Variants in EPSTI1 observed in about 807,000 individuals in gnomAD.
EPSTI1 encodes epithelial-stromal interaction protein 1.
Under a neutral mutation model 49.9 loss-of-function variants are expected in EPSTI1, and 66 were observed. That is an observed-to-expected ratio of 1.32 (90% CI 1.08 to 1.62). The LOEUF is 1.62. Among genes scored for constraint, EPSTI1 ranks in the 40% most tolerant of loss-of-function variants. EPSTI1 has a pLI of 0.00. For synonymous variants in EPSTI1, 137 were observed against 130.7 expected (o/e 1.05, Z -0.33); for missense variants, 394 against 365.5 (o/e 1.08, Z -0.64).
chr13:42,938,931 A>AAAAAAAAAAAAAAAAAAAC, intron 6 of EPSTI1, among the ~76,000 whole-genome samples: 1 of 150,540 alleles, frequency 6.6e-6, no homozygotes, highest in Non-Finnish European at 1.5e-5. Flanking sequence ...AAAAAAAAAA[A>AAAAAAAAAAAAAAAAAAAC]ATCTGTTGTT....
intron 5 of EPSTI1, among the ~76,000 whole-genome samples, chr13:42,962,224 G>A (rs1184911882): frequency 6.6e-6 from 1 of 152,110 alleles, no homozygotes; most frequent in East Asian, 1.9e-4. Flanking sequence ...GCTTTTATGT[G>A]CACAGGAATT....
At chr13:42,955,881 G>A (rs76933818) in intron 5 of EPSTI1, among the ~76,000 whole-genome samples, 5 of 121,506 alleles carry the variant, frequency 4.1e-5, no homozygotes, top group South Asian at 5.9e-4. Flanking sequence ...AGTATTTGGG[G>A]GGGGGGGGAA....
intron 6 of EPSTI1, among the ~76,000 whole-genome samples, chr13:42,937,901 A>G (rs1186745055): frequency 2.0e-5 from 3 of 152,328 alleles, no homozygotes; most frequent in Non-Finnish European, 4.4e-5. Context: ...GCCCAGATCA[A>G]TCAGAAGAAT....
At chr13:42,905,111 CAGAG>C (rs1317845447) in intron 8 of EPSTI1, among the ~76,000 whole-genome samples, 5 of 151,926 alleles carry the variant, frequency 3.3e-5, no homozygotes, top group African/African-American at 9.7e-5. Context: ...ATTTTTAACA[CAGAG>C]AGATATAAAA....
At chr13:42,929,691 G>A (rs2153422517) in intron 6 of EPSTI1, among the ~76,000 whole-genome samples, 1 of 152,324 alleles carries the variant, frequency 6.6e-6, no homozygotes, top group South Asian at 2.1e-4. Flanking sequence ...AGGGTGGAGG[G>A]ACAGCTAGCT....
chr13:42,924,900 A>C (rs1022018316), intron 7 of EPSTI1, among the ~76,000 whole-genome samples: 2 of 152,204 alleles, frequency 1.3e-5, no homozygotes, highest in African/African-American at 4.8e-5. Context: ...CTATTGAGAA[A>C]GGGGTAAGGG....
intron 4 of EPSTI1, 40 bp from the exon 5 acceptor site, chr13:42,963,378 C>T: frequency 6.6e-7 from 1 of 1,515,942 alleles, no homozygotes. Context: ...AAACAGTTAC[C>T]ATTTTTCAGT....
intron 7 of EPSTI1, among the ~76,000 whole-genome samples, chr13:42,925,142 G>A (rs774857749): frequency 5.1e-4 from 78 of 152,162 alleles, no homozygotes; most frequent in African/African-American, 1.8e-3. Context: ...CCTCTCCCCC[G>A]CTGTCCTAGC....
intron 8 of EPSTI1, among the ~76,000 whole-genome samples, chr13:42,904,286 G>C (rs2037438316): frequency 6.6e-6 from 1 of 152,154 alleles, no homozygotes; most frequent in East Asian, 1.9e-4. Flanking sequence ...AAAAGAAAAA[G>C]GGCCAAGGGA....
chr13:42,917,408 C>A lies in EPSTI1; in HGVS notation c.741+133G>T, dbSNP rs540409181. 3.5e-6 allele frequency: 3 copies of A among 850,384 alleles called. No homozygotes were observed. The South Asian group carries it at 4.9e-5, about 14-fold the overall frequency. 52.7% of individuals were successfully genotyped at this position (850,384 alleles called of 1,614,324 possible). A position where few individuals can be genotyped will look rare whatever the true frequency, so the allele number is the denominator to read the frequency against. ...TCTTAAAACACATCCAGAAACTCAC[C>A]TTTTATTTTCAATGCTTGTATTCTT... is the stretch of plus-strand genomic sequence containing the variant. On this transcript the variant is annotated intron_variant, in intron 8 of 10. Transcript: ENST00000313624.
chr13:42,909,904 A>C (rs2037614939), intron 8 of EPSTI1, among the ~76,000 whole-genome samples: 1 of 152,168 alleles, frequency 6.6e-6, no homozygotes, highest in Non-Finnish European at 1.5e-5. Context: ...TAATGACAAT[A>C]AATAATGATC....
intron 9 of EPSTI1, among the ~76,000 whole-genome samples, chr13:42,897,529 C>G (rs2037228307): frequency 6.6e-6 from 1 of 152,192 alleles, no homozygotes; most frequent in African/African-American, 2.4e-5. Context: ...ATCTTCCTGG[C>G]ACACGTTCTT....
intron 4 of EPSTI1, among the ~76,000 whole-genome samples, chr13:42,963,812 T>C (rs1179759115): frequency 6.6e-6 from 1 of 152,164 alleles, no homozygotes; most frequent in African/African-American, 2.4e-5. Context: ...TAGTTAAACA[T>C]AGTTAACTTA....
chr13:42,890,355 T>C (rs1323316980), intron 10 of EPSTI1, among the ~76,000 whole-genome samples: 1 of 149,622 alleles, frequency 6.7e-6, no homozygotes, highest in Non-Finnish European at 1.5e-5. Context: ...TGGACTGTGG[T>C]GGCGCAATCC....
chr13:42,961,217 G>T (rs930344053), intron 5 of EPSTI1, among the ~76,000 whole-genome samples: 1 of 152,130 alleles, frequency 6.6e-6, no homozygotes. Flanking sequence ...GTGGTGTGCT[G>T]GTCAACATTT....
chr13:42,917,662 A>C, intron 7 of EPSTI1, 38 bp from the exon 8 acceptor site: 2 of 1,283,912 alleles, frequency 1.6e-6, no homozygotes, highest in Non-Finnish European at 2.1e-6. Context: ...AAAAAAAACA[A>C]CTTGATAGGA....
At chr13:42,898,947 CA>C (rs1048329832) in intron 9 of EPSTI1, among the ~76,000 whole-genome samples, 3 of 152,050 alleles carry the variant, frequency 2.0e-5, no homozygotes, top group African/African-American at 7.2e-5. Context: ...CCTGTAATCC[CA>C]GTACTTTGGG....
chr13:42,916,784 G>A (rs1247025846), intron 8 of EPSTI1, among the ~76,000 whole-genome samples: 2 of 152,162 alleles, frequency 1.3e-5, no homozygotes, highest in East Asian at 3.8e-4. Flanking sequence ...TTAGTTAGCT[G>A]GAGCCCCACC....
chr13:42,948,611 G>C (rs2038998463), intron 6 of EPSTI1, among the ~76,000 whole-genome samples: 1 of 151,760 alleles, frequency 6.6e-6, no homozygotes, highest in Non-Finnish European at 1.5e-5. Context: ...CAAGGAGCTG[G>C]GACTACAGGC....
Sources: gnomAD v4.1 joint callset for allele counts (sites outside exome capture counted in the v4.1 genomes callset) on GRCh38, gnomAD v4.1.1 for gene constraint, MANE v1.5 for transcripts, NCBI Gene and HGNC (gene_info 2026-07-23, HGNC 2026-07-21) for gene names.